The following PCDHGA7 variants were observed in gnomAD, a reference collection of about 807,000 sequenced individuals.
The protein encoded by PCDHGA7 is protocadherin gamma-A7.
A neutral mutation model predicts 58.3 loss-of-function variants in PCDHGA7; 44 were observed. That is an observed-to-expected ratio of 0.75 (90% confidence interval 0.59 to 0.97). The LOEUF (loss-of-function observed/expected upper bound fraction) is 0.97. Ranked by LOEUF, PCDHGA7 falls within the 50% of genes least tolerant of loss-of-function variation. The probability of loss-of-function intolerance (pLI) is 0.00; values close to 1 mark genes in which losing one functional copy is unlikely to be tolerated. For synonymous variants in PCDHGA7, 516 were observed against 504.2 expected, an observed-to-expected ratio of 1.02 and a Z score of -0.31; for missense variants, 1,266 against 1,188.7, an observed-to-expected ratio of 1.06 and a Z score of -0.96.
At chr5:141,478,524 C>T in intron 1 of PCDHGA7, 1 of 1,609,844 alleles carries the variant, frequency 6.2e-7, no homozygotes, top group Non-Finnish European at 8.5e-7. Flanking sequence ...GTGTTGGGTG[C>T]AGAGAGCGCC....
At chr5:141,479,391 T>G (rs2099494461) in intron 1 of PCDHGA7, 1 of 152,266 alleles carries the variant, frequency 6.6e-6, no homozygotes, top group Non-Finnish European at 1.5e-5. Flanking sequence ...AGCCCAGGAG[T>G]TCTGGGCTGT....
chr5:141,410,142 G>A (rs2095361095), intron 1 of PCDHGA7: 3 of 1,612,612 alleles, frequency 1.9e-6, no homozygotes, highest in East Asian at 2.2e-5. Context: ...GTCGCTGTGC[G>A]TGACGGTGGA....
chr5:141,499,402 A>G (rs2099791723), intron 2 of PCDHGA7, among the ~76,000 whole-genome samples: 2 of 152,212 alleles, frequency 1.3e-5, no homozygotes, highest in South Asian at 4.1e-4. Context: ...GTACATGCTC[A>G]TTATAGAAAC....
At chr5:141,402,514 AAT>A (rs1200847622) in intron 1 of PCDHGA7, among the ~76,000 whole-genome samples, 1 of 152,218 alleles carries the variant, frequency 6.6e-6, no homozygotes, top group East Asian at 1.9e-4. Flanking sequence ...AATATTAAGC[AAT>A]GGTTTGTGAT....
chr5:141,385,381 T>C, intron 1 of PCDHGA7, 58 bp downstream of exon 1: 1 of 1,517,334 alleles, frequency 6.6e-7, no homozygotes, highest in South Asian at 1.3e-5. Context: ...TATTTCTCTA[T>C]TATTTTGCAA....
intron 1 of PCDHGA7, among the ~76,000 whole-genome samples, chr5:141,406,621 A>G (rs2094831746): frequency 6.6e-6 from 1 of 152,172 alleles, no homozygotes; most frequent in African/African-American, 2.4e-5. Flanking sequence ...TTTTATTCTC[A>G]TATCTTCAAA....
Position 141,432,038 on chromosome 5 carries a change from C to A in PCDHGA7, c.2424+46715C>A. On this transcript the variant is annotated intron_variant, in intron 1 of 3. Transcript: ENST00000518325. The surrounding 1 kb of genome is among the most constrained non-coding windows in gnomAD (Gnocchi z 6.0). ...CAACATCACAGTGACCGCCACTGAC[C>A]GGGGAACCCCGCCCCTATCCACGGA... 1 of 1,614,190 alleles carries A rather than the reference C, an allele frequency of 6.2e-7. No homozygotes were observed. The highest frequency in any genetic ancestry group is 1.1e-5 in the South Asian group (1 of 91,072).
Position 141,476,383 on chromosome 5 carries a change from C to G in PCDHGA7, c.2425-18424C>G, listed in dbSNP as rs547854431. ...GGGAGACCGGAGAGATGTTTGTGAACGACCGTCTGGATCGAGAGGAGCTGT... is the reference window on the plus strand; with the variant it reads ...GGGAGACCGGAGAGATGTTTGTGAAGGACCGTCTGGATCGAGAGGAGCTGT... On this transcript the variant is annotated intron_variant, in intron 1 of 3. Transcript: ENST00000518325. The surrounding 1 kb of genome is among the most constrained non-coding windows in gnomAD (Gnocchi z 7.6). 1.2e-6 allele frequency: 2 copies of G among 1,614,102 alleles called. No homozygotes were observed. Among genetic ancestry groups the G allele is most frequent in the Middle Eastern group, 3.3e-4 (2 of 6,062 alleles).
rs755409676 is a variant in PCDHGA7 at position 141,383,729 on chromosome 5, T to C, written c.830T>C (p.Val277Ala). 7 of 1,613,984 alleles carry C rather than the reference T, an allele frequency of 4.3e-6. No homozygotes were observed. In the South Asian group the frequency reaches 6.6e-5, roughly 15 times the overall value. ...CTGGACGAGGGAGTCAATGGGGAAG[T>C]GACATATTCTTTTCGGAAAATAACT... ...IDLDEGVNGEVTYSFRKITPK... is the reference protein window; with the variant it reads ...IDLDEGVNGEATYSFRKITPK... Residue 277 changes from valine (V) to alanine (A), a missense_variant, in exon 1 of 4, where the codon GTG (valine) becomes GCG (alanine). Transcript: ENST00000518325.
At chr5:141,427,306 A>G (rs1023837851) in intron 1 of PCDHGA7, 6 of 456,826 alleles carry the variant, frequency 1.3e-5, no homozygotes, top group African/African-American at 1.2e-4. Flanking sequence ...GAGAATGACA[A>G]TGCCCCAGAC....
chr5:141,483,168 C>A (rs750259590), intron 1 of PCDHGA7, among the ~76,000 whole-genome samples: 3 of 152,104 alleles, frequency 2.0e-5, no homozygotes, highest in Non-Finnish European at 4.4e-5. Context: ...CCTGAGTTAC[C>A]TTTGGGCCAA....
intron 1 of PCDHGA7, chr5:141,389,157 C>G: frequency 6.2e-7 from 1 of 1,613,976 alleles, no homozygotes; most frequent in African/African-American, 1.3e-5. Flanking sequence ...GGCAACAGAT[C>G]GGGGCAAGCC....
intron 1 of PCDHGA7, chr5:141,418,093 C>G: frequency 8.1e-6 from 13 of 1,614,032 alleles, no homozygotes; most frequent in Non-Finnish European, 1.1e-5. Flanking sequence ...TCAGCGTAGA[C>G]GCGCAGAGCG....
chr5:141,414,649 AT>A (rs1410490912), intron 1 of PCDHGA7: 15 of 1,613,914 alleles, frequency 9.3e-6, no homozygotes, highest in Non-Finnish European at 1.3e-5. Context: ...TGCCCAGATT[AT>A]TTACTCCCTG....
chr5:141,485,106 TGGCTGTTTGGGGCGGGTC>T lies in PCDHGA7; in HGVS notation c.2425-9696_2425-9679del. 1 of 1,206,448 alleles carries T rather than the reference TGGCTGTTTGGGGCGGGTC, an allele frequency of 8.3e-7. No homozygotes were observed. The highest frequency in any genetic ancestry group is 1.2e-6 in the Non-Finnish European group (1 of 828,284). 74.7% of individuals were successfully genotyped at this position (1,206,448 alleles called of 1,614,324 possible). Reference sequence around the variant, plus strand: ...GGGAGATAGGTGTCTCCAGCTGCTGTGGCTGTTTGGGGCGGGTCGGCTTCATCCGCGTCTCAGGAGCAA... The same window carrying T: ...GGGAGATAGGTGTCTCCAGCTGCTGTGGCTTCATCCGCGTCTCAGGAGCAA... On this transcript the variant is annotated intron_variant, in intron 1 of 3. Coordinates refer to ENST00000518325, the MANE Select transcript of PCDHGA7 (RefSeq NM_018920.4). This position sits in a 1 kb window ranked among gnomAD's most constrained non-coding sequence, Gnocchi z 5.7.
chr5:141,408,379 G>T (rs2095093592), intron 1 of PCDHGA7: 13 of 1,613,914 alleles, frequency 8.1e-6, no homozygotes, highest in Non-Finnish European at 1.1e-5. Context: ...TCAGTGTCCT[G>T]GATGTGTCGG....
intron 1 of PCDHGA7, chr5:141,421,788 G>T: frequency 6.2e-7 from 1 of 1,613,800 alleles, no homozygotes; most frequent in Non-Finnish European, 8.5e-7. Flanking sequence ...GGGGCAGAAC[G>T]GATGGGGCCA....
intron 1 of PCDHGA7, among the ~76,000 whole-genome samples, chr5:141,458,663 G>A (rs1045303205): frequency 2.6e-5 from 4 of 151,804 alleles, no homozygotes; most frequent in Admixed American, 6.6e-5. Context: ...TCCACCTCTC[G>A]GGTTCAAGCA....
chr5:141,489,101 T>A lies in PCDHGA7; in HGVS notation c.2425-5706T>A. 2 of 398,380 alleles carry A rather than the reference T, an allele frequency of 5.0e-6. No individual in the cohort carries two copies. Among genetic ancestry groups the A allele is most frequent in the Non-Finnish European group, 9.0e-6 (2 of 223,310 alleles). The allele number at this position is 398,380 out of a possible 1,614,324, so 24.7% of individuals were successfully genotyped here. ...CCGCCACTCGGTGACTAAGAACTGC[T>A]GCAAGCAGGCAAACCTCCGAGCAGT... On this transcript the variant is annotated intron_variant, in intron 1 of 3. Coordinates refer to ENST00000518325, the MANE Select transcript of PCDHGA7 (RefSeq NM_018920.4). This position sits in a 1 kb window ranked among gnomAD's most constrained non-coding sequence, Gnocchi z 4.5.
Sources: allele counts gnomAD v4.1 joint callset (sites outside exome capture counted in the v4.1 genomes callset), GRCh38; gene constraint gnomAD v4.1.1; non-coding constraint Gnocchi (gnomAD v3.1); transcripts MANE v1.5; gene names NCBI Gene and HGNC (gene_info 2026-07-23, HGNC 2026-07-21).